BACE1: variants seen among roughly 807,000 people sequenced by gnomAD.
BACE1 encodes the protein APP beta-secretase.
BACE1 carries 21 observed loss-of-function variants against 54.0 expected under a neutral mutation model. That is an observed-to-expected ratio of 0.39 (90% CI 0.28 to 0.56). The LOEUF (loss-of-function observed/expected upper bound fraction) is 0.56. Ranked by LOEUF, BACE1 falls within the 20% of genes least tolerant of loss-of-function variation. The pLI, the probability that BACE1 is intolerant of heterozygous loss-of-function variation, is 0.63. For missense variants in BACE1, 511 were observed against 661.2 expected (o/e 0.77, Z 2.49); for synonymous variants, 232 against 260.9 (o/e 0.89, Z 1.07).
At position 117,290,541 on chromosome 11, in the gene BACE1, A is replaced by G; in HGVS notation, c.1211T>C (p.Val404Ala). Residue 404 changes from valine to alanine, a missense_variant, in exon 8 of 9, where the codon GTT becomes GCT. By Grantham distance (64) the Val-to-Ala change is moderately conservative (BLOSUM62 0). Coordinates refer to ENST00000313005, the MANE Select transcript of BACE1 (RefSeq NM_012104.6). ...TCGTTTTCGGGCCCGATCAAAGACA[A>G]CGTAGAAGCCCTCCATGATAACAGC... ...MGAVIMEGFY[V>A]VFDRARKRIG... is the part of the protein sequence containing the mutation. The G allele has an allele frequency of 1.2e-6, 2 of 1,614,174 alleles. No individual in the cohort carries two copies. Among genetic ancestry groups the G allele is most frequent in the South Asian group, 2.2e-5 (2 of 91,090 alleles).
At position 117,296,970 on chromosome 11, in the gene BACE1, G is replaced by A; in HGVS notation, c.262-9C>T. 3 of 1,610,220 alleles carry A rather than the reference G, an allele frequency of 1.9e-6. No homozygotes were observed. The highest frequency in any genetic ancestry group is 2.2e-5 in the East Asian group (1 of 44,862). On this transcript the variant is annotated splice_polypyrimidine_tract_variant and intron_variant, in intron 1 of 8. Coordinates refer to ENST00000313005, the MANE Select transcript of BACE1 (RefSeq NM_012104.6). ...TCCACCAGGATGTTGAGCTGTCAGA[G>A]AAAGGGGAGAGAAAAGACAGTATAG... is the stretch of plus-strand genomic sequence containing the variant.
At chr11:117,298,217 A>G (rs1591860896) in intron 1 of BACE1, among the ~76,000 whole-genome samples, 1 of 152,036 alleles carries the variant, frequency 6.6e-6, no homozygotes, top group Admixed American at 6.6e-5. Context: ...CAGGAGAATC[A>G]CTTGAACCCA....
chr11:117,308,352 T>C (rs1427075272), intron 1 of BACE1, among the ~76,000 whole-genome samples: 1 of 152,196 alleles, frequency 6.6e-6, no homozygotes, highest in Non-Finnish European at 1.5e-5. Flanking sequence ...ACTTGGCCTC[T>C]CTGTGGATGA....
At chr11:117,301,061 T>C (rs2034714338) in intron 1 of BACE1, among the ~76,000 whole-genome samples, 1 of 152,122 alleles carries the variant, frequency 6.6e-6, no homozygotes, top group Admixed American at 6.6e-5. Context: ...CAGTTACCGG[T>C]GACTTCATGT....
Position 117,303,810 on chromosome 11 carries a change from C to T in BACE1, c.262-6849G>A, listed in dbSNP as rs1464943678. Among the ~76,000 whole-genome samples, 5 of 152,306 alleles carry T rather than the reference C, an allele frequency of 3.3e-5. No individual in the cohort carries two copies. In the East Asian group the frequency reaches 5.8e-4, roughly 18 times the overall value. On this transcript the variant is annotated intron_variant, in intron 1 of 8. Transcript: ENST00000313005. Reference sequence around the variant, plus strand: ...GGGCCTCATGGCTAAAGAGGGAAGACGCCTATATTCTTGCATAACAAGGCT... The same window carrying T: ...GGGCCTCATGGCTAAAGAGGGAAGATGCCTATATTCTTGCATAACAAGGCT...
At chr11:117,297,055 C>T (rs760700446) in intron 1 of BACE1, 94 bp from the exon 2 acceptor site, 6 of 920,158 alleles carry the variant, frequency 6.5e-6, no homozygotes, top group Admixed American at 6.3e-5. Context: ...CAGTCTGCCC[C>T]TTAGAATGTC....
At chr11:117,306,480 C>T (rs1225482310) in intron 1 of BACE1, among the ~76,000 whole-genome samples, 1 of 152,126 alleles carries the variant, frequency 6.6e-6, no homozygotes, top group East Asian at 1.9e-4. Flanking sequence ...ACTCCTTGTC[C>T]TACCTGTCAA....
chr11:117,314,975 C>A (rs896650960), intron 1 of BACE1, among the ~76,000 whole-genome samples: 2 of 152,088 alleles, frequency 1.3e-5, no homozygotes, highest in African/African-American at 4.8e-5. Flanking sequence ...GGAGCCTGTC[C>A]AGGGCTTCCG....
intron 1 of BACE1, chr11:117,297,403 T>C (rs1412983085): frequency 6.3e-6 from 1 of 159,408 alleles, no homozygotes; most frequent in Non-Finnish European, 1.4e-5. Flanking sequence ...GTGGATCACC[T>C]GAGGTGAGGA....
At chr11:117,310,155 C>A (rs143238374) in intron 1 of BACE1, among the ~76,000 whole-genome samples, 1 of 152,016 alleles carries the variant, frequency 6.6e-6, no homozygotes, top group Non-Finnish European at 1.5e-5. Context: ...GTGATCCACC[C>A]GCCTCGGCCT....
intron 1 of BACE1, among the ~76,000 whole-genome samples, chr11:117,306,030 C>T (rs150631397): frequency 6.7e-4 from 102 of 151,874 alleles, no homozygotes; most frequent in African/African-American, 2.3e-3. Context: ...AGTGAGACTC[C>T]GTCTCAAAAA....
intron 1 of BACE1, among the ~76,000 whole-genome samples, chr11:117,308,824 G>A (rs1462908845): frequency 6.6e-6 from 1 of 151,860 alleles, no homozygotes; most frequent in African/African-American, 2.4e-5. Flanking sequence ...GTGGTGGCGG[G>A]CACCTGTAAT....
chr11:117,307,380 T>C (rs1364186277), intron 1 of BACE1, among the ~76,000 whole-genome samples: 5 of 152,252 alleles, frequency 3.3e-5, no homozygotes, highest in African/African-American at 1.2e-4. Flanking sequence ...GGCATGATGT[T>C]GGCTCACTGC....
At position 117,315,452 on chromosome 11, in the gene BACE1, C is replaced by G. The variant is rs2035083387; in HGVS notation, c.261+83G>C. The G allele has an allele frequency of 1.3e-6, 2 of 1,501,502 alleles. No homozygotes were observed. The highest frequency in any genetic ancestry group is 2.9e-5 in the African/African-American group (2 of 68,174). The allele number at this position is 1,501,502 out of a possible 1,614,324, so 93.0% of individuals were successfully genotyped here. Reference sequence around the variant, plus strand: ...TGCTGTCCCCACCAGCCCATTTGAGCAGGGGCTAGCTTGAGGCATCCCCAT... The same window carrying G: ...TGCTGTCCCCACCAGCCCATTTGAGGAGGGGCTAGCTTGAGGCATCCCCAT... On this transcript the variant is annotated intron_variant, in intron 1 of 8. Coordinates refer to ENST00000313005, the MANE Select transcript of BACE1 (RefSeq NM_012104.6). This position sits in a 1 kb window ranked among gnomAD's most constrained non-coding sequence, Gnocchi z 5.5.
In BACE1 at chr11:117,315,048, G is replaced by A. The variant is rs1006479269; in HGVS notation, c.261+487C>T. On this transcript the variant is annotated intron_variant, in intron 1 of 8. Transcript: ENST00000313005. This position sits in a 1 kb window ranked among gnomAD's most constrained non-coding sequence, Gnocchi z 5.5. Reference sequence around the variant, plus strand: ...TTGCCGTACCAGTGGCAGCCCAGATGGTGGGAGCAAGGTGCTTATTCAACT... The same window carrying A: ...TTGCCGTACCAGTGGCAGCCCAGATAGTGGGAGCAAGGTGCTTATTCAACT... 6.6e-6 allele frequency among the ~76,000 whole-genome samples: 1 copy of A among 152,298 alleles called. No individual in the cohort carries two copies. The highest frequency in any genetic ancestry group is 1.5e-5 in the Non-Finnish European group (1 of 68,018).
chr11:117,316,174 C>T lies in BACE1; in HGVS notation c.-379G>A. ...CAGGGGCAAGGGCTCCGGGCTCCTGCGGCTGCGTTGGCTGCTCAGGCCACC... is the reference window on the plus strand; with the variant it reads ...CAGGGGCAAGGGCTCCGGGCTCCTGTGGCTGCGTTGGCTGCTCAGGCCACC... On this transcript the variant is annotated 5_prime_UTR_variant, in exon 1 of 9. Coordinates refer to ENST00000313005, the MANE Select transcript of BACE1 (RefSeq NM_012104.6). The T allele has an allele frequency of 5.0e-6, 2 of 400,288 alleles. No individual in the cohort carries two copies. Among genetic ancestry groups the T allele is most frequent in the Non-Finnish European group, 8.8e-6 (2 of 227,062 alleles). 24.8% of individuals were successfully genotyped at this position (400,288 alleles called of 1,614,324 possible). A position where few individuals can be genotyped will look rare whatever the true frequency, so the allele number is the denominator to read the frequency against.
rs919484982 is a variant in BACE1, at chr11:117,315,678, C to G, written c.118G>C (p.Gly40Arg). ...TCGGTCTCCCGGGGCAGCCGCAGCC[C>G]CAGGGGGGCGCCCCCCAGGCCGCTG... ...LRSGLGGAPL[G>R]LRLPRETDEE... Residue 40 changes from glycine to arginine, a missense_variant, in exon 1 of 9, where the codon GGG (glycine) becomes CGG (arginine). Coordinates refer to ENST00000313005, the MANE Select transcript of BACE1 (RefSeq NM_012104.6). The surrounding 1 kb of genome is among the most constrained non-coding windows in gnomAD (Gnocchi z 5.5). 9 of 1,531,276 alleles carry G rather than the reference C, an allele frequency of 5.9e-6. No individual in the cohort carries two copies. Among genetic ancestry groups the G allele is most frequent in the Non-Finnish European group, 7.9e-6 (9 of 1,141,566 alleles). 94.9% of individuals were successfully genotyped at this position (1,531,276 alleles called of 1,614,324 possible).
rs2034258387 is a variant in BACE1 at position 117,286,290 on chromosome 11, A to G, written c.*3276T>C. The G allele has an allele frequency of 6.6e-6, 1 of 152,212 alleles. No homozygotes were observed. Among genetic ancestry groups the G allele is most frequent in the Admixed American group, 6.5e-5 (1 of 15,274 alleles). 9.4% of individuals were successfully genotyped at this position (152,212 alleles called of 1,614,324 possible). A position where few individuals can be genotyped will look rare whatever the true frequency, so the allele number is the denominator to read the frequency against. On this transcript the variant is annotated 3_prime_UTR_variant, in exon 9 of 9. Coordinates refer to ENST00000313005, the MANE Select transcript of BACE1 (RefSeq NM_012104.6). ...TCTGTGGGTAGCTATCAGGAACTAG[A>G]TCATTTTCCACCTCTGCTTATTGTA...
chr11:117,314,821 TA>T, intron 1 of BACE1: 1 of 152,566 alleles, frequency 6.6e-6, no homozygotes, highest in Non-Finnish European at 1.5e-5. Flanking sequence ...GTCCCACTCT[TA>T]AAAGGGAGCT....
Sources: allele counts gnomAD v4.1 joint callset (sites outside exome capture counted in the v4.1 genomes callset), GRCh38; gene constraint gnomAD v4.1.1; non-coding constraint Gnocchi (gnomAD v3.1); transcripts MANE v1.5; gene names NCBI Gene and HGNC (gene_info 2026-07-23, HGNC 2026-07-21).